Variants in DLEC1 observed in about 807,000 individuals in gnomAD.
The protein encoded by DLEC1 is deleted in lung and esophageal cancer protein 1.
Under a neutral mutation model 198.1 loss-of-function variants are expected in DLEC1, and 146 were observed. The observed-to-expected ratio is 0.74, with a 90% CI of 0.64 to 0.85. DLEC1 has a LOEUF of 0.85. Among genes scored for constraint, DLEC1 ranks in the 40% least tolerant of loss-of-function variants. DLEC1 has a pLI of 0.00. For synonymous variants in DLEC1, 897 were observed against 866.8 expected, an observed-to-expected ratio of 1.03 and a Z score of -0.61; for missense variants, 2,233 against 2,220.0, an observed-to-expected ratio of 1.01 and a Z score of -0.12.
intron 6 of DLEC1, among the ~76,000 whole-genome samples, chr3:38,080,051 G>T (rs2125654776): frequency 6.6e-6 from 1 of 152,334 alleles, no homozygotes; most frequent in South Asian, 2.1e-4. Flanking sequence ...CAGGGTTGCT[G>T]CTGAAGGAGC....
intron 6 of DLEC1, among the ~76,000 whole-genome samples, chr3:38,075,509 G>T (rs1188449614): frequency 6.6e-6 from 1 of 151,860 alleles, no homozygotes; most frequent in African/African-American, 2.4e-5. Flanking sequence ...AGGGTGGAAG[G>T]TTGCCCATAG....
chr3:38,062,266 G>C lies in DLEC1; in HGVS notation c.771G>C (p.Arg257Ser). The change falls in exon 4 of 37, where the codon AGG becomes AGC. Residue 257 changes from arginine (R) to serine (S), a missense_variant. By Grantham distance (110) the Arg-to-Ser change is moderately radical. Transcript: ENST00000308059. The stretch of plus-strand genomic sequence containing the variant: ...ACAAGAAGCTTGAAGATTCATGCAG[G>C]AAGAAGCTTGCTGAGTTCGAAGATG... ...ELNKKLEDSC[R>S]KKLAEFEDEL... The C allele has an allele frequency of 4.3e-6, 7 of 1,614,208 alleles. No individual in the cohort carries two copies. Among genetic ancestry groups the C allele is most frequent in the Non-Finnish European group, 5.9e-6 (7 of 1,180,032 alleles).
chr3:38,095,437 C>A lies in DLEC1; in HGVS notation c.2112+366C>A, dbSNP rs150301512. ...AGGGCCAGGTTAGCACAGCGCTGGC[C>A]CCAGCATGGAGGGAAGCCCTGTGGG... On this transcript the variant is annotated intron_variant, in intron 13 of 36. Coordinates refer to ENST00000308059, the MANE Select transcript of DLEC1 (RefSeq NM_007335.4). 3.5e-3 allele frequency: 1,111 copies of A among 316,146 alleles called. 12 individuals carry two copies. Among genetic ancestry groups the A allele is most frequent in the African/African-American group, 0.02 (979 of 47,794 alleles). The allele number at this position is 316,146 out of a possible 1,614,324, so 19.6% of individuals were successfully genotyped here.
At position 38,059,843 on chromosome 3, in the gene DLEC1, G is replaced by T. The variant is rs1333637345; in HGVS notation, c.664G>T (p.Ala222Ser). ...YYTDTVPFHS[A>S]PKGISLPGCS... ...CACCGATACAGTGCCGTTTCACTCT[G>T]CACCTAAAGGTAATGCTTCTGTGCT... Residue 222 changes from alanine (A) to serine (S), a missense_variant, in exon 3 of 37, where the codon GCA becomes TCA. By Grantham distance (99) the Ala-to-Ser change is moderately conservative (BLOSUM62 1). Coordinates refer to ENST00000308059, the MANE Select transcript of DLEC1 (RefSeq NM_007335.4). 6.2e-7 allele frequency: 1 copy of T among 1,613,766 alleles called. No homozygotes were observed. Among genetic ancestry groups the T allele is most frequent in the Non-Finnish European group, 8.5e-7 (1 of 1,179,934 alleles).
intron 2 of DLEC1, among the ~76,000 whole-genome samples, chr3:38,046,250 G>A (rs942461186): frequency 6.6e-6 from 1 of 152,176 alleles, no homozygotes; most frequent in African/African-American, 2.4e-5. Context: ...GTGTGAGGTT[G>A]TGATTTTTGT....
intron 9 of DLEC1, among the ~76,000 whole-genome samples, chr3:38,088,076 C>T (rs1452406943): frequency 6.6e-6 from 1 of 152,230 alleles, no homozygotes. Flanking sequence ...TGTTCTAAGA[C>T]TTACTCTCCT....
At chr3:38,102,804 C>T (rs896190780) in intron 19 of DLEC1, among the ~76,000 whole-genome samples, 7 of 152,272 alleles carry the variant, frequency 4.6e-5, no homozygotes, top group South Asian at 2.1e-4. Flanking sequence ...CAAATCAATT[C>T]GTGCCTTCAT....
chr3:38,051,058 C>T (rs1701092804), intron 2 of DLEC1, among the ~76,000 whole-genome samples: 3 of 152,180 alleles, frequency 2.0e-5, no homozygotes, highest in Non-Finnish European at 4.4e-5. Flanking sequence ...GGCACCACCA[C>T]ACCCACTAAT....
chr3:38,064,008 T>C (rs1394646959), intron 6 of DLEC1, 89 bp downstream of exon 6: 31 of 236,084 alleles, frequency 1.3e-4, no homozygotes, highest in Middle Eastern at 9.7e-4. Context: ...TTTTTTTTTC[T>C]TTTTTTTTTT....
Position 38,107,576 on chromosome 3 carries a change from T to C in DLEC1, c.2865-8T>C. ...AATCAGTATGCCTTTTGTTTCCTCGTGTTCCAGCTACCTTCCTGTGTATGC... is the reference window on the plus strand; with the variant it reads ...AATCAGTATGCCTTTTGTTTCCTCGCGTTCCAGCTACCTTCCTGTGTATGC... On this transcript the variant is annotated splice_polypyrimidine_tract_variant and splice_region_variant and intron_variant, in intron 19 of 36. Coordinates refer to ENST00000308059, the MANE Select transcript of DLEC1 (RefSeq NM_007335.4). The C allele has an allele frequency of 6.3e-7, 1 of 1,594,162 alleles. No homozygotes were observed. The highest frequency in any genetic ancestry group is 2.3e-5 in the East Asian group (1 of 44,204).
At position 38,084,213 on chromosome 3, in the gene DLEC1, C is replaced by T. The variant is rs767242024; in HGVS notation, c.1229C>T (p.Pro410Leu). The T allele has an allele frequency of 6.0e-5, 96 of 1,612,904 alleles. No individual in the cohort carries two copies. Among genetic ancestry groups the T allele is most frequent in the South Asian group, 7.7e-5 (7 of 91,072 alleles). ...TTTSRYLRVL[P>L]PSTPYFALGL... Reference sequence around the variant, plus strand: ...ACCAGCCGCTACCTGCGAGTCCTCCCGCCTTCCACGCCATACTTCGCTCTG... The same window carrying T: ...ACCAGCCGCTACCTGCGAGTCCTCCTGCCTTCCACGCCATACTTCGCTCTG... Residue 410 changes from proline (P) to leucine (L), a missense_variant, in exon 7 of 37, where the codon CCG becomes CTG. Pro to Leu is a moderately conservative substitution (Grantham distance 98). Transcript: ENST00000308059.
intron 6 of DLEC1, among the ~76,000 whole-genome samples, chr3:38,072,511 G>T (rs1697377846): frequency 6.6e-6 from 1 of 152,200 alleles, no homozygotes; most frequent in South Asian, 2.1e-4. Context: ...AATGAAAAGA[G>T]TTGGGATGAG....
rs116048807 is a variant in DLEC1 at position 38,052,245 on chromosome 3, C to A, written c.562+6552C>A. On this transcript the variant is annotated intron_variant, in intron 2 of 36. Transcript: ENST00000308059. ...GCCATAGTGGGCAGTACCTGATGAC[C>A]AGAGACTCCCTGTTGGTGAAGGTGT... 1,137 of 476,486 alleles carry A rather than the reference C, an allele frequency of 2.4e-3. 3 individuals are homozygous for A. Among genetic ancestry groups the A allele is most frequent in the Non-Finnish European group, 3.7e-3 (885 of 236,250 alleles). The allele number at this position is 476,486 out of a possible 1,614,324, so 29.5% of individuals were successfully genotyped here.
chr3:38,072,964 C>T (rs572195279), intron 6 of DLEC1, among the ~76,000 whole-genome samples: 5 of 152,072 alleles, frequency 3.3e-5, no homozygotes, highest in South Asian at 4.2e-4. Context: ...AGGTGAGAAG[C>T]GGAGGGGTGG....
chr3:38,056,553 G>T (rs1264817019), intron 2 of DLEC1, among the ~76,000 whole-genome samples: 3 of 152,078 alleles, frequency 2.0e-5, no homozygotes, highest in African/African-American at 7.2e-5. Context: ...CAAGTGATCT[G>T]CCCACCTCGG....
intron 2 of DLEC1, among the ~76,000 whole-genome samples, chr3:38,053,776 T>G (rs1347824491): frequency 6.6e-6 from 1 of 152,134 alleles, no homozygotes; most frequent in East Asian, 1.9e-4. Flanking sequence ...GGGGAAAAGA[T>G]AGAGAAATCA....
At chr3:38,069,407 A>C (rs1459871394) in intron 6 of DLEC1, among the ~76,000 whole-genome samples, 1 of 152,152 alleles carries the variant, frequency 6.6e-6, no homozygotes, top group Non-Finnish European at 1.5e-5. Flanking sequence ...CTTGACACCA[A>C]ATAAAAATAT....
In DLEC1 at chr3:38,039,656, G is replaced by T; in HGVS notation, c.411+20G>T. On this transcript the variant is annotated intron_variant, in intron 1 of 36. Transcript: ENST00000308059. ...CAGCAGGTAACGTGGCGGTGGCGTC[G>T]CGTCTGCGGACGGTGCCGGGGTCTC... The T allele has an allele frequency of 1.3e-6, 2 of 1,582,396 alleles. No individual in the cohort carries two copies. Among genetic ancestry groups the T allele is most frequent in the South Asian group, 1.1e-5 (1 of 87,440 alleles).
Position 38,118,013 on chromosome 3 carries a change from G to C in DLEC1, c.4693G>C (p.Glu1565Gln), listed in dbSNP as rs773914109. The part of the protein sequence containing the change: ...ADKQLVLQAQ[E>Q]NMLVNVSFSL... ...CAAGCAGCTGGTGCTCCAAGCACAGGAGAACATGCTGGTCAGTGGGGGAGT... is the reference window on the plus strand; with the variant it reads ...CAAGCAGCTGGTGCTCCAAGCACAGCAGAACATGCTGGTCAGTGGGGGAGT... The change falls in exon 33 of 37, where the codon GAG becomes CAG. Residue 1565 changes from glutamate to glutamine, a missense_variant. Glu to Gln is a conservative substitution (Grantham distance 29). Coordinates refer to ENST00000308059, the MANE Select transcript of DLEC1 (RefSeq NM_007335.4). 1.2e-6 allele frequency: 2 copies of C among 1,602,790 alleles called. No homozygotes were observed. The highest frequency in any genetic ancestry group is 2.3e-5 in the East Asian group (1 of 44,178).
Sources: allele counts gnomAD v4.1 joint callset (sites outside exome capture counted in the v4.1 genomes callset), GRCh38; gene constraint gnomAD v4.1.1; transcripts MANE v1.5; gene names NCBI Gene and HGNC (gene_info 2026-07-23, HGNC 2026-07-21).